The following CDK14 variants were observed in gnomAD, a reference collection of about 807,000 sequenced individuals.
CDK14 encodes the protein cyclin dependent kinase 14, also known as cyclin-dependent kinase 14.
Under a neutral mutation model 60.7 loss-of-function variants are expected in CDK14, and 34 were observed. The observed-to-expected ratio is 0.56, with a 90% CI of 0.43 to 0.75. CDK14 has a LOEUF of 0.75. CDK14 is among the 30% of genes least tolerant of loss of function. CDK14 has a pLI of 0.00. For missense variants in CDK14, 482 were observed against 564.1 expected, an observed-to-expected ratio of 0.85 and a Z score of 1.47; for synonymous variants, 197 against 203.7, an observed-to-expected ratio of 0.97 and a Z score of 0.28.
chr7:91,066,985 C>T (rs1798002850), intron 11 of CDK14, among the ~76,000 whole-genome samples: 1 of 152,106 alleles, frequency 6.6e-6, no homozygotes, highest in Non-Finnish European at 1.5e-5. Context: ...TAATGACATT[C>T]TAAACTTCTA....
At chr7:90,658,410 A>G (rs1717733567) in intron 2 of CDK14, among the ~76,000 whole-genome samples, 1 of 152,158 alleles carries the variant, frequency 6.6e-6, no homozygotes, top group Non-Finnish European at 1.5e-5. Flanking sequence ...GCCCTTTATA[A>G]GGGCACTTAT....
chr7:90,868,353 A>C (rs1353241338), intron 6 of CDK14, among the ~76,000 whole-genome samples: 1 of 151,654 alleles, frequency 6.6e-6, no homozygotes, highest in African/African-American at 2.4e-5. Flanking sequence ...GGAGTAATGG[A>C]TATATTTATT....
intron 11 of CDK14, 35 bp downstream of exon 11, chr7:91,045,995 C>T (rs373305743): frequency 2.9e-5 from 39 of 1,357,392 alleles, no homozygotes; most frequent in Non-Finnish European, 3.8e-5. Context: ...CTAGGTGCTT[C>T]CTATATGCAA....
chr7:90,840,356 TGATCCTTAAAAAGAACTATATAAGAA>T (rs1445459313), intron 5 of CDK14, among the ~76,000 whole-genome samples: 2 of 152,230 alleles, frequency 1.3e-5, no homozygotes, highest in Admixed American at 6.5e-5. Context: ...GGAAAGTTCA[TGATCCTTAAAAAGAACTATATAAGAA>T]GGCTTTTAGT....
intron 9 of CDK14, among the ~76,000 whole-genome samples, chr7:90,974,014 C>A (rs964463255): frequency 7.2e-5 from 11 of 152,138 alleles, no homozygotes; most frequent in Non-Finnish European, 1.6e-4. Flanking sequence ...GTCCTTATCT[C>A]AACCTCGTAA....
intron 5 of CDK14, among the ~76,000 whole-genome samples, chr7:90,822,700 T>G (rs1029243319): frequency 6.6e-6 from 1 of 152,102 alleles, no homozygotes; most frequent in African/African-American, 2.4e-5. Context: ...TTACATACAA[T>G]AAAACATAAT....
intron 14 of CDK14, among the ~76,000 whole-genome samples, chr7:91,205,027 A>G (rs78575236): frequency 1.3e-5 from 2 of 152,274 alleles, no homozygotes; most frequent in Non-Finnish European, 2.9e-5. Flanking sequence ...TAGGATGGCT[A>G]TAATTTTTTT....
rs147218594 is a variant in CDK14, at chr7:91,162,420, C to T, written c.*28+44212C>T. ...GCTAGGAGACCCACTGGGAAGCTCA[C>T]GCCTGGAGAGCGGTCAGTTCTGTGA... On this transcript the variant is annotated intron_variant, in intron 14 of 14. Coordinates refer to ENST00000380050, the MANE Select transcript of CDK14 (RefSeq NM_001287135.2). Among the ~76,000 whole-genome samples, 22 of 152,250 alleles carry T rather than the reference C, an allele frequency of 1.4e-4. No homozygotes were observed. In the East Asian group the frequency reaches 3.9e-3, roughly 27 times the overall value.
chr7:90,998,210 T>C, intron 10 of CDK14, among the ~76,000 whole-genome samples: 1 of 152,348 alleles, frequency 6.6e-6, no homozygotes, highest in Middle Eastern at 3.4e-3. Flanking sequence ...TGTTTTTTGT[T>C]TATCTTTCCA....
chr7:90,973,152 A>G (rs768813506), intron 9 of CDK14, among the ~76,000 whole-genome samples: 32 of 152,076 alleles, frequency 2.1e-4, no homozygotes, highest in Admixed American at 1.3e-4. Flanking sequence ...CCCTTTTTTA[A>G]CATCCTTCTT....
At chr7:91,190,629 A>G (rs777866383) in intron 14 of CDK14, among the ~76,000 whole-genome samples, 2 of 152,058 alleles carry the variant, frequency 1.3e-5, no homozygotes, top group African/African-American at 2.4e-5. Flanking sequence ...AGCTGTTACT[A>G]CAGGCATGCA....
chr7:91,111,749 G>A (rs1799473679), intron 12 of CDK14, among the ~76,000 whole-genome samples: 1 of 152,166 alleles, frequency 6.6e-6, no homozygotes, highest in South Asian at 2.1e-4. Context: ...CCATTATTAG[G>A]AATACTTTTA....
intron 14 of CDK14, among the ~76,000 whole-genome samples, chr7:91,146,213 T>C (rs908926972): frequency 1.3e-5 from 2 of 152,164 alleles, no homozygotes; most frequent in African/African-American, 2.4e-5. Context: ...GATTGATTGA[T>C]TGATTGAGAC....
At position 91,050,343 on chromosome 7, in the gene CDK14, G is replaced by A. The variant is rs185123242; in HGVS notation, c.1105+4383G>A. Among the ~76,000 whole-genome samples, 336 of 152,150 alleles carry A rather than the reference G, an allele frequency of 2.2e-3. 3 individuals are homozygous for A. The highest frequency in any genetic ancestry group is 0.014 in the Middle Eastern group (4 of 292). ...CAGGGGAGAGGCGATGAAATGTACT[G>A]TGAATAAAATGACCTCCCTTTTTCA... On this transcript the variant is annotated intron_variant, in intron 11 of 14. Coordinates refer to ENST00000380050, the MANE Select transcript of CDK14 (RefSeq NM_001287135.2).
At chr7:90,616,154 C>T (rs1197433725) in intron 2 of CDK14, among the ~76,000 whole-genome samples, 2 of 151,784 alleles carry the variant, frequency 1.3e-5, no homozygotes, top group African/African-American at 2.4e-5. Context: ...ATTCATAATC[C>T]AGAAATTTTA....
intron 5 of CDK14, among the ~76,000 whole-genome samples, chr7:90,803,777 A>T (rs1788730860): frequency 6.6e-6 from 1 of 152,150 alleles, no homozygotes; most frequent in Non-Finnish European, 1.5e-5. Context: ...AGGAAGGTTG[A>T]TGTTACCATC....
At chr7:91,157,574 A>C (rs1407900350) in intron 14 of CDK14, among the ~76,000 whole-genome samples, 2 of 152,218 alleles carry the variant, frequency 1.3e-5, no homozygotes, top group African/African-American at 2.4e-5. Context: ...TTCCGGAGTT[A>C]ACTGTCCTGG....
At chr7:91,131,686 A>G (rs999957397) in intron 14 of CDK14, among the ~76,000 whole-genome samples, 1 of 152,158 alleles carries the variant, frequency 6.6e-6, no homozygotes, top group African/African-American at 2.4e-5. Context: ...TTATAAGGGC[A>G]TCTGACAGCG....
chr7:90,735,743 G>T, intron 3 of CDK14, among the ~76,000 whole-genome samples: 1 of 152,220 alleles, frequency 6.6e-6, no homozygotes, highest in East Asian at 1.9e-4. Flanking sequence ...CAAGCCAGTG[G>T]ATCTTAGCTT....
Sources: gnomAD v4.1 joint callset for allele counts (sites outside exome capture counted in the v4.1 genomes callset) on GRCh38, gnomAD v4.1.1 for gene constraint, MANE v1.5 for transcripts, NCBI Gene and HGNC (gene_info 2026-07-23, HGNC 2026-07-21) for gene names.